Variants in FBF1 observed in about 807,000 individuals in gnomAD.
The protein encoded by FBF1 is Fas binding factor 1.
In FBF1, 119 loss-of-function variants were observed where a neutral mutation model predicts 147.2. The observed-to-expected ratio is 0.81, with a 90% confidence interval of 0.70 to 0.94. The LOEUF is 0.94. Among genes scored for constraint, FBF1 ranks in the 40% least tolerant of loss-of-function variants. The pLI is 0.00. For missense variants in FBF1, 1,449 were observed against 1,500.8 expected (o/e 0.97, Z 0.57); for synonymous variants, 601 against 609.0 (o/e 0.99, Z 0.19).
intron 23 of FBF1, among the ~76,000 whole-genome samples, 183 bp downstream of exon 23, chr17:75,917,549 C>A (rs564860243): frequency 1.3e-5 from 2 of 152,264 alleles, no homozygotes; most frequent in East Asian, 1.9e-4. Flanking sequence ...GCGGCCCCTG[C>A]ATGCTCAGGT....
intron 17 of FBF1, 26 bp from the exon 18 acceptor site, chr17:75,920,455 C>T (rs766195530): frequency 3.8e-6 from 6 of 1,584,282 alleles, no homozygotes; most frequent in South Asian, 2.3e-5. Flanking sequence ...AGAGGTGTTT[C>T]TAGTTAGGGA....
intron 9 of FBF1, 76 bp from the exon 10 acceptor site, chr17:75,926,953 C>A: frequency 6.5e-7 from 1 of 1,544,102 alleles, no homozygotes; most frequent in Non-Finnish European, 8.8e-7. Flanking sequence ...TGGGGAGCAG[C>A]GCTCGAGTCA....
At chr17:75,931,319 G>A (rs76534600) in intron 5 of FBF1, 30 bp from the exon 6 acceptor site, 112,964 of 1,559,432 alleles carry the variant, frequency 0.072, 4,532 homozygotes, top group Middle Eastern at 0.088. Context: ...GCCCCTACCT[G>A]CATCCCAGGG....
rs752615636 is a variant in FBF1, at chr17:75,912,297, A to G, written c.3258T>C (p.Pro1086=). The change falls in exon 29 of 30, where the codon CCT becomes CCC. Residue 1086 remains proline, a synonymous_variant. Transcript: ENST00000636174. Reference sequence around the variant, plus strand: ...TGCACCAACGGGTGGTGGGAGCAGGAGGCATGAGGGCTGAAAAGGCCAAGG... The same window carrying G: ...TGCACCAACGGGTGGTGGGAGCAGGGGGCATGAGGGCTGAAAAGGCCAAGG... ...PAASSQSALM[P]PAPTTRWCSQ... 3.8e-6 allele frequency: 6 copies of G among 1,597,732 alleles called. No homozygotes were observed. Among genetic ancestry groups the G allele is most frequent in the Non-Finnish European group, 5.1e-6 (6 of 1,172,462 alleles).
At chr17:75,926,687 C>T in intron 10 of FBF1, 71 bp downstream of exon 10, 1 of 1,555,894 alleles carries the variant, frequency 6.4e-7, no homozygotes, top group East Asian at 2.4e-5. Context: ...GGTTCTGCAC[C>T]AGAAAGGCTG....
intron 22 of FBF1, 34 bp from the exon 23 acceptor site, chr17:75,917,884 TC>T (rs11288315): frequency 1 from 1,583,819 of 1,583,822 alleles, 791,908 homozygotes; most frequent in Middle Eastern, 1. Flanking sequence ...CAGCAGCTGC[TC>T]CCCCTTCCCA....
intron 3 of FBF1, among the ~76,000 whole-genome samples, 197 bp downstream of exon 3, chr17:75,937,369 A>G (rs565214652): frequency 6.6e-6 from 1 of 152,088 alleles, no homozygotes; most frequent in Non-Finnish European, 1.5e-5. Flanking sequence ...ACGGGGTTTC[A>G]TCGTGTTAGC....
rs11870961 is a variant in FBF1 at position 75,922,183 on chromosome 17, A to G, written c.1425-137T>C. The G allele has an allele frequency of 0.088, 58,573 of 668,042 alleles. 3,743 individuals are homozygous for G. Among genetic ancestry groups the G allele is most frequent in the African/African-American group, 0.24 (13,056 of 55,214 alleles). The allele number at this position is 668,042 out of a possible 1,614,324, so 41.4% of individuals were successfully genotyped here. On this transcript the variant is annotated intron_variant, in intron 14 of 29. Coordinates refer to ENST00000636174, the MANE Select transcript of FBF1 (RefSeq NM_001319193.2). The surrounding 1 kb of genome is among the most constrained non-coding windows in gnomAD (Gnocchi z 5.0). ...TGCTTCCACCATCCCGTCTTGGGGC[A>G]TTCTCCTCCCACGTCTGAGCTCCTG...
At chr17:75,914,710 C>A in intron 25 of FBF1, 37 bp downstream of exon 25, 2 of 1,503,372 alleles carry the variant, frequency 1.3e-6, no homozygotes, top group East Asian at 2.5e-5. Flanking sequence ...CGCAGGCAAC[C>A]CTGGGCCCTC....
Position 75,918,450 on chromosome 17 carries a change from A to G in FBF1, c.2139-181T>C, listed in dbSNP as rs528546341. ...GTCATGGTGCCTCAATGCTACACGCACTAAGATGGGCATTCCTCCCATTAT... is the reference window on the plus strand; with the variant it reads ...GTCATGGTGCCTCAATGCTACACGCGCTAAGATGGGCATTCCTCCCATTAT... On this transcript the variant is annotated intron_variant, in intron 20 of 29. Transcript: ENST00000636174. This position sits in a 1 kb window ranked among gnomAD's most constrained non-coding sequence, Gnocchi z 5.8. Among the ~76,000 whole-genome samples the G allele has an allele frequency of 1.3e-5, 2 of 152,246 alleles. No homozygotes were observed. The highest frequency in any genetic ancestry group is 3.9e-4 in the East Asian group (2 of 5,188).
chr17:75,932,479 G>A (rs1367862711), intron 5 of FBF1, among the ~76,000 whole-genome samples: 2 of 152,262 alleles, frequency 1.3e-5, no homozygotes, highest in South Asian at 2.1e-4. Context: ...GGCCAGGTGC[G>A]AGTGACTCAC....
rs1446250834 is a variant in FBF1 at position 75,913,770 on chromosome 17, T to C, written c.3179A>G (p.Gln1060Arg). 1.9e-6 allele frequency: 3 copies of C among 1,605,350 alleles called. No individual in the cohort carries two copies. Among genetic ancestry groups the C allele is most frequent in the African/African-American group, 2.7e-5 (2 of 74,914 alleles). ...ACCCACGAGGCTAGAGGGCAGGTCC[T>C]GTCGTGCGCGGTCCAGTTGCAGCCT... ...QQRLQLDRAR[Q>R]DLPSSLVGLF... Residue 1060 changes from glutamine to arginine, a missense_variant, in exon 28 of 30, where the codon CAG becomes CGG. Coordinates refer to ENST00000636174, the MANE Select transcript of FBF1 (RefSeq NM_001319193.2).
Position 75,919,608 on chromosome 17 carries a change from G to T in FBF1, c.2138+60C>A. The T allele has an allele frequency of 6.5e-7, 1 of 1,527,520 alleles. No homozygotes were observed. Among genetic ancestry groups the T allele is most frequent in the Non-Finnish European group, 8.8e-7 (1 of 1,134,098 alleles). 94.6% of individuals were successfully genotyped at this position (1,527,520 alleles called of 1,614,324 possible). A position where few individuals can be genotyped will look rare whatever the true frequency, so the allele number is the denominator to read the frequency against. ...CCACAGCGAAGGGTCTCGTGGGGATGGCTCTCTTCCGGCTACTCCTTGCAA... is the reference window on the plus strand; with the variant it reads ...CCACAGCGAAGGGTCTCGTGGGGATTGCTCTCTTCCGGCTACTCCTTGCAA... On this transcript the variant is annotated intron_variant, in intron 20 of 29. Transcript: ENST00000636174. This position sits in a 1 kb window ranked among gnomAD's most constrained non-coding sequence, Gnocchi z 5.0.
In FBF1 at chr17:75,931,929, A is replaced by T. The variant is rs553090486; in HGVS notation, c.168-640T>A. Reference sequence around the variant, plus strand: ...AACAAACACAATTTGAAAATCACTGATCTAGGCCAATCCTTTAATTCTGAG... The same window carrying T: ...AACAAACACAATTTGAAAATCACTGTTCTAGGCCAATCCTTTAATTCTGAG... On this transcript the variant is annotated intron_variant, in intron 5 of 29. Coordinates refer to ENST00000636174, the MANE Select transcript of FBF1 (RefSeq NM_001319193.2). Among the ~76,000 whole-genome samples the T allele has an allele frequency of 2.0e-5, 3 of 152,336 alleles. No individual in the cohort carries two copies. In the South Asian group the frequency reaches 6.2e-4, roughly 32 times the overall value.
chr17:75,914,488 G>A lies in FBF1; in HGVS notation c.2815-190C>T, dbSNP rs184004767. On this transcript the variant is annotated intron_variant, in intron 25 of 29. Transcript: ENST00000636174. ...CCTCACAAGCCACGTGACTGTGGCA[G>A]GCTCAACTCTGAAGTTCGGTTTCCT... is the stretch of plus-strand genomic sequence containing the variant. 3 of 954,510 alleles carry A rather than the reference G, an allele frequency of 3.1e-6. No individual in the cohort carries two copies. In the Admixed American group the frequency reaches 9.2e-5, roughly 29 times the overall value. The allele number at this position is 954,510 out of a possible 1,614,324, so 59.1% of individuals were successfully genotyped here.
At chr17:75,927,554 G>A (rs1460681392) in intron 8 of FBF1, 22 bp from the exon 9 acceptor site, 2 of 1,582,874 alleles carry the variant, frequency 1.3e-6, no homozygotes, top group African/African-American at 1.3e-5. Context: ...AGAAGACAAG[G>A]TCATGGGCCT....
In FBF1 at chr17:75,923,051, G is replaced by C; in HGVS notation, c.1424+135C>G. 1 of 855,560 alleles carries C rather than the reference G, an allele frequency of 1.2e-6. No individual in the cohort carries two copies. The highest frequency in any genetic ancestry group is 1.8e-6 in the Non-Finnish European group (1 of 558,820). 53.0% of individuals were successfully genotyped at this position (855,560 alleles called of 1,614,324 possible). A position where few individuals can be genotyped will look rare whatever the true frequency, so the allele number is the denominator to read the frequency against. On this transcript the variant is annotated intron_variant, in intron 14 of 29. Coordinates refer to ENST00000636174, the MANE Select transcript of FBF1 (RefSeq NM_001319193.2). The surrounding 1 kb of genome is among the most constrained non-coding windows in gnomAD (Gnocchi z 4.1). ...AAAGGCAGAGTAGCAAAGCCAAGAA[G>C]CGGCCTCTGTGGCCACGGCGCCCTG...
At chr17:75,929,683 GAA>G (rs2065582631) in intron 7 of FBF1, among the ~76,000 whole-genome samples, 1 of 152,228 alleles carries the variant, frequency 6.6e-6, no homozygotes, top group East Asian at 1.9e-4. Flanking sequence ...AGCATTAGAG[GAA>G]AGAGTCTCCC....
chr17:75,910,746 T>C lies in FBF1; in HGVS notation c.3424A>G (p.Asn1142Asp). ...FLETLKKGSY[N>D]LTSHSA ...ACTCAGGCTGAATGAGATGTCAAAT[T>C]GTAGGACCCTTTCTTCAGGGTCTCC... Residue 1142 changes from asparagine to aspartate, a missense_variant, in exon 30 of 30, where the codon AAT (asparagine) becomes GAT (aspartate). Asn to Asp is a conservative substitution (Grantham distance 23, BLOSUM62 1). Coordinates refer to ENST00000636174, the MANE Select transcript of FBF1 (RefSeq NM_001319193.2). The surrounding 1 kb of genome is among the most constrained non-coding windows in gnomAD (Gnocchi z 4.1). The C allele has an allele frequency of 6.2e-7, 1 of 1,610,828 alleles. No individual in the cohort carries two copies. The highest frequency in any genetic ancestry group is 8.5e-7 in the Non-Finnish European group (1 of 1,178,754).
Sources: allele counts gnomAD v4.1 joint callset (sites outside exome capture counted in the v4.1 genomes callset), GRCh38; gene constraint gnomAD v4.1.1; non-coding constraint Gnocchi (gnomAD v3.1); transcripts MANE v1.5; gene names NCBI Gene and HGNC (gene_info 2026-07-23, HGNC 2026-07-21).